THSD7A: variants seen among roughly 807,000 people sequenced by gnomAD.
THSD7A encodes the protein thrombospondin type-1 domain-containing protein 7A.
Under a neutral mutation model 231.3 loss-of-function variants are expected in THSD7A, and 96 were observed. The observed-to-expected ratio is 0.41, with a 90% CI of 0.35 to 0.49. The LOEUF is 0.49. Ranked by LOEUF, THSD7A falls within the 20% of genes least tolerant of loss-of-function variation. The pLI is 0.05. For missense variants in THSD7A, 2,290 were observed against 2,070.2 expected, an observed-to-expected ratio of 1.11 and a Z score of -2.06; for synonymous variants, 940 against 743.3, an observed-to-expected ratio of 1.26 and a Z score of -4.30.
At chr7:11,561,119 G>T (rs1038198674) in intron 4 of THSD7A, among the ~76,000 whole-genome samples, 1 of 152,124 alleles carries the variant, frequency 6.6e-6, no homozygotes, top group African/African-American at 2.4e-5. Flanking sequence ...TGGCTCCATA[G>T]TCTTCAGTGT....
chr7:11,452,584 C>T (rs1785179485), intron 11 of THSD7A, among the ~76,000 whole-genome samples: 1 of 151,906 alleles, frequency 6.6e-6, no homozygotes, highest in Non-Finnish European at 1.5e-5. Context: ...ATAATCAGTT[C>T]CCAGTGGAGT....
At chr7:11,754,476 A>G (rs1411838635) in intron 1 of THSD7A, among the ~76,000 whole-genome samples, 1 of 152,104 alleles carries the variant, frequency 6.6e-6, no homozygotes, top group Non-Finnish European at 1.5e-5. Flanking sequence ...TTATAATTGA[A>G]GAAATTACAT....
chr7:11,719,287 C>T (rs1235537597), intron 1 of THSD7A, among the ~76,000 whole-genome samples: 5 of 151,552 alleles, frequency 3.3e-5, no homozygotes, highest in Non-Finnish European at 5.9e-5. Flanking sequence ...CCTTGGAGTT[C>T]TCTCAGGTGA....
intron 22 of THSD7A, among the ~76,000 whole-genome samples, chr7:11,402,210 T>G (rs1386574260): frequency 6.6e-6 from 1 of 152,242 alleles, no homozygotes; most frequent in African/African-American, 2.4e-5. Flanking sequence ...AAAGGTAAAT[T>G]GTGGCTGACA....
At chr7:11,787,510 G>T (rs1223697132) in intron 1 of THSD7A, among the ~76,000 whole-genome samples, 1 of 151,970 alleles carries the variant, frequency 6.6e-6, no homozygotes, top group East Asian at 1.9e-4. Context: ...AGATACAACT[G>T]ATAAATGACT....
At chr7:11,640,306 A>C (rs910315284) in intron 1 of THSD7A, among the ~76,000 whole-genome samples, 17 of 152,220 alleles carry the variant, frequency 1.1e-4, no homozygotes, top group African/African-American at 3.6e-4. Context: ...AAATACTTCC[A>C]ATCAATTTAT....
At chr7:11,699,666 A>AT (rs1291421021) in intron 1 of THSD7A, among the ~76,000 whole-genome samples, 2 of 151,340 alleles carry the variant, frequency 1.3e-5, no homozygotes, top group East Asian at 3.9e-4. Context: ...TTGCATATAC[A>AT]TTTTTTAAGT....
At chr7:11,436,618 GA>G (rs1784641969) in intron 13 of THSD7A, among the ~76,000 whole-genome samples, 1 of 151,610 alleles carries the variant, frequency 6.6e-6, no homozygotes, top group Non-Finnish European at 1.5e-5. Context: ...ATTATAATTG[GA>G]ATGCTTTAAA....
intron 11 of THSD7A, 32 bp from the exon 12 acceptor site, chr7:11,447,456 A>G (rs778865433): frequency 4.1e-5 from 60 of 1,468,738 alleles, no homozygotes; most frequent in Non-Finnish European, 4.8e-5. Flanking sequence ...GTTATAACAA[A>G]TTCAAACGTC....
chr7:11,782,932 C>G (rs930245808), intron 1 of THSD7A, among the ~76,000 whole-genome samples: 6 of 152,066 alleles, frequency 3.9e-5, no homozygotes, highest in Non-Finnish European at 1.5e-5. Context: ...AAAATACAAA[C>G]TGTGTTTTTT....
intron 26 of THSD7A, chr7:11,376,973 A>G (rs1782301096): frequency 5.2e-6 from 1 of 193,158 alleles, no homozygotes; most frequent in Non-Finnish European, 1.0e-5. Flanking sequence ...GTAATGCTAT[A>G]TAAACATTCT....
At chr7:11,754,924 C>T (rs1260274364) in intron 1 of THSD7A, among the ~76,000 whole-genome samples, 2 of 151,916 alleles carry the variant, frequency 1.3e-5, no homozygotes, top group Non-Finnish European at 2.9e-5. Flanking sequence ...CAGTGGTTCT[C>T]TAACTGTATT....
At chr7:11,674,590 C>T (rs1783558313) in intron 1 of THSD7A, among the ~76,000 whole-genome samples, 1 of 152,148 alleles carries the variant, frequency 6.6e-6, no homozygotes, top group South Asian at 2.1e-4. Flanking sequence ...TGTACAGAGC[C>T]TTGGCCCTCT....
chr7:11,417,525 G>C lies in THSD7A; in HGVS notation c.3462C>G (p.Gly1154=). 1 of 1,613,760 alleles carries C rather than the reference G, an allele frequency of 6.2e-7. No individual in the cohort carries two copies. The highest frequency in any genetic ancestry group is 8.5e-7 in the Non-Finnish European group (1 of 1,179,780). The change falls in exon 17 of 28, where the codon GGC becomes GGG. Residue 1154 remains glycine (G), a synonymous_variant. Transcript: ENST00000423059. ...YLCDPEEMPL[G]SRVCKLPCPE... is the part of the protein sequence containing the mutation. ...GGCATGGTAATTTGCACACTCTAGA[G>C]CCCAGGGGCATCTCTTCTGGGTCAC...
intron 2 of THSD7A, among the ~76,000 whole-genome samples, chr7:11,625,107 G>T (rs1434932597): frequency 2.6e-5 from 4 of 151,922 alleles, no homozygotes; most frequent in African/African-American, 9.7e-5. Context: ...GTACATCTCT[G>T]TTTCAGTATC....
rs1236230235 is a variant in THSD7A, at chr7:11,735,368, T to G, written c.190+96389A>C. Among the ~76,000 whole-genome samples, 3 of 151,820 alleles carry G rather than the reference T, an allele frequency of 2.0e-5. No homozygotes were observed. In the Admixed American group the frequency reaches 2.0e-4, roughly 10 times the overall value. On this transcript the variant is annotated intron_variant, in intron 1 of 27. Transcript: ENST00000423059. ...CTGAAATGCTCCGAAATAGAAAACT[T>G]TTTGAGTGCCAACATGATGCCACAA...
chr7:11,580,884 T>C (rs961325028), intron 4 of THSD7A, among the ~76,000 whole-genome samples: 2 of 152,034 alleles, frequency 1.3e-5, no homozygotes, highest in African/African-American at 4.8e-5. Context: ...ATCCCTGAAC[T>C]TAAAATACAA....
At chr7:11,611,784 TAAA>T (rs1780930864) in intron 2 of THSD7A, among the ~76,000 whole-genome samples, 1 of 123,486 alleles carries the variant, frequency 8.1e-6, no homozygotes, top group Non-Finnish European at 1.6e-5. Context: ...TAAAGTACCA[TAAA>T]ACACACACAC....
chr7:11,764,319 T>C (rs938095545), intron 1 of THSD7A, among the ~76,000 whole-genome samples: 3 of 152,170 alleles, frequency 2.0e-5, no homozygotes, highest in East Asian at 1.9e-4. Context: ...TGGTGGCTCA[T>C]GCCTGTGATC....
Sources: allele counts gnomAD v4.1 joint callset (sites outside exome capture counted in the v4.1 genomes callset), GRCh38; gene constraint gnomAD v4.1.1; transcripts MANE v1.5; gene names NCBI Gene and HGNC (gene_info 2026-07-23, HGNC 2026-07-21).